The following SEPTIN14 variants were observed in gnomAD, a reference collection of about 807,000 sequenced individuals.
SEPTIN14 encodes septin-14.
SEPTIN14 carries 40 observed loss-of-function variants against 53.6 expected under a neutral mutation model. The observed-to-expected ratio is 0.75, with a 90% CI of 0.58 to 0.97. The LOEUF (loss-of-function observed/expected upper bound fraction) is 0.97. Ranked by LOEUF, SEPTIN14 falls within the 50% of genes least tolerant of loss-of-function variation. The pLI is 0.00. For missense variants in SEPTIN14, 471 were observed against 508.2 expected, an observed-to-expected ratio of 0.93 and a Z score of 0.70; for synonymous variants, 138 against 166.8, an observed-to-expected ratio of 0.83 and a Z score of 1.33.
In SEPTIN14 at chr7:55,836,465, G is replaced by C. The variant is rs368052465; in HGVS notation, c.559-1879C>G. 3.9e-4 allele frequency among the ~76,000 whole-genome samples: 59 copies of C among 152,252 alleles called. No homozygotes were observed. In the East Asian group the frequency reaches 0.01, roughly 27 times the overall value. ...TAAAAAATCCATGGACAGACCGGGC[G>C]CAGTGGCTCACGCCTGTAATCCCAG... On this transcript the variant is annotated intron_variant, in intron 5 of 9. Coordinates refer to ENST00000388975, the MANE Select transcript of SEPTIN14 (RefSeq NM_207366.3).
intron 9 of SEPTIN14, among the ~76,000 whole-genome samples, chr7:55,800,408 G>A (rs1270809165): frequency 6.6e-6 from 1 of 152,212 alleles, no homozygotes; most frequent in Non-Finnish European, 1.5e-5. Flanking sequence ...TGGATCACCT[G>A]AGGTCAGGAG....
chr7:55,818,297 C>A (rs1342635837), intron 7 of SEPTIN14, among the ~76,000 whole-genome samples: 1 of 151,772 alleles, frequency 6.6e-6, no homozygotes, highest in East Asian at 1.9e-4. Context: ...TATGGTGAAA[C>A]CCCATCTCTA....
intron 3 of SEPTIN14, 35 bp downstream of exon 3, chr7:55,846,482 G>T (rs1294869720): frequency 8.0e-6 from 12 of 1,494,086 alleles, no homozygotes; most frequent in Non-Finnish European, 1.1e-5. Flanking sequence ...TGGGAAAAAT[G>T]AAGGAATAAT....
At chr7:55,810,600 T>G (rs1234937176) in intron 7 of SEPTIN14, among the ~76,000 whole-genome samples, 1 of 150,234 alleles carries the variant, frequency 6.7e-6, no homozygotes, top group Non-Finnish European at 1.5e-5. Flanking sequence ...TCAGCCTCCC[T>G]CCCGAGTAGC....
chr7:55,853,618 C>T (rs1306266177), intron 2 of SEPTIN14, among the ~76,000 whole-genome samples: 1 of 152,126 alleles, frequency 6.6e-6, no homozygotes, highest in African/African-American at 2.4e-5. Context: ...GGTAGCACAA[C>T]AGGGCGACTA....
chr7:55,836,442 A>G (rs1477313076), intron 5 of SEPTIN14, among the ~76,000 whole-genome samples: 1 of 152,134 alleles, frequency 6.6e-6, no homozygotes, highest in Admixed American at 6.6e-5. Flanking sequence ...ACGTTTTTTA[A>G]AAAATCCATG....
Position 55,827,402 on chromosome 7 carries a change from C to T in SEPTIN14, c.720+7023G>A, listed in dbSNP as rs181731664. 1.1e-4 allele frequency among the ~76,000 whole-genome samples: 17 copies of T among 152,244 alleles called. No homozygotes were observed. The East Asian group carries it at 3.1e-3, about 28-fold the overall frequency. On this transcript the variant is annotated intron_variant, in intron 6 of 9. Coordinates refer to ENST00000388975, the MANE Select transcript of SEPTIN14 (RefSeq NM_207366.3). ...AGGCATTTTCAATGGCTCTTGGCTA[C>T]GTTATGACCTAGAGATAGATGACTG...
At position 55,844,604 on chromosome 7, in the gene SEPTIN14, T is replaced by A. The variant is rs1050857704; in HGVS notation, c.290A>T (p.Glu97Val). The change falls in exon 4 of 10, where the codon GAA becomes GTA. Residue 97 changes from glutamate to valine, a missense_variant. Physicochemically the swap from Glu to Val is moderately radical, Grantham distance 121. Transcript: ENST00000388975. ...SNVGLQIQTY[E>V]LQESNVQLKL... is the part of the protein sequence containing the mutation. ...CAACTGAACATTGCTTTCCTGAAGT[T>A]CATATGTCTGAATTTGAAGTCCAAC... 6.2e-7 allele frequency: 1 copy of A among 1,610,786 alleles called. No homozygotes were observed.
At chr7:55,833,280 A>C (rs1032453299) in intron 6 of SEPTIN14, among the ~76,000 whole-genome samples, 2 of 151,876 alleles carry the variant, frequency 1.3e-5, no homozygotes. Context: ...GCGCCACTGC[A>C]CTCCAGCCTG....
chr7:55,838,059 C>G (rs577722611), intron 5 of SEPTIN14, among the ~76,000 whole-genome samples: 8 of 152,140 alleles, frequency 5.3e-5, no homozygotes, highest in Non-Finnish European at 1.0e-4. Context: ...AAACATTCAA[C>G]GGACTGATTT....
chr7:55,797,274 G>A (rs544768497), intron 9 of SEPTIN14, among the ~76,000 whole-genome samples: 25 of 152,238 alleles, frequency 1.6e-4, no homozygotes, highest in African/African-American at 6.0e-4. Flanking sequence ...TCTAAATCAT[G>A]GGAAAGATTT....
intron 6 of SEPTIN14, among the ~76,000 whole-genome samples, chr7:55,834,170 G>T (rs1789161997): frequency 6.6e-6 from 1 of 152,124 alleles, no homozygotes; most frequent in Non-Finnish European, 1.5e-5. Context: ...GAAAAAAGAG[G>T]TAACACCTTC....
At chr7:55,846,407 C>T in intron 3 of SEPTIN14, 110 bp downstream of exon 3, 1 of 743,814 alleles carries the variant, frequency 1.3e-6, no homozygotes, top group Non-Finnish European at 2.1e-6. Flanking sequence ...TCACTGTAAA[C>T]ATGAAGATAT....
chr7:55,838,739 G>A (rs1453220267), intron 5 of SEPTIN14, among the ~76,000 whole-genome samples: 1 of 151,834 alleles, frequency 6.6e-6, no homozygotes, highest in African/African-American at 2.4e-5. Flanking sequence ...TGTAGAGATG[G>A]GGTCTCACTA....
intron 5 of SEPTIN14, among the ~76,000 whole-genome samples, chr7:55,836,153 A>G (rs1789201717): frequency 1.3e-5 from 2 of 152,166 alleles, no homozygotes; most frequent in Admixed American, 6.5e-5. Context: ...AAAAAGACAT[A>G]ATTTCCACAT....
At chr7:55,803,449 T>C (rs1222034902) in intron 9 of SEPTIN14, among the ~76,000 whole-genome samples, 1 of 152,176 alleles carries the variant, frequency 6.6e-6, no homozygotes, top group Non-Finnish European at 1.5e-5. Context: ...ATAAGAATAA[T>C]TTTATAAAAC....
rs1789366540 is a variant in SEPTIN14, at chr7:55,844,511, G to GA, written c.371+11dup. 1 of 1,416,852 alleles carries GA rather than the reference G, an allele frequency of 7.1e-7. No homozygotes were observed. Among genetic ancestry groups the GA allele is most frequent in the Non-Finnish European group, 9.4e-7 (1 of 1,062,100 alleles). 87.8% of individuals were successfully genotyped at this position (1,416,852 alleles called of 1,614,324 possible). A position where few individuals can be genotyped will look rare whatever the true frequency, so the allele number is the denominator to read the frequency against. On this transcript the variant is annotated intron_variant, in intron 4 of 9. Transcript: ENST00000388975. ...AGAAAACCTTTTTTAATTTAAATAA[G>GA]AAAACACTCACCTGGCTTCTTTGTC...
intron 2 of SEPTIN14, among the ~76,000 whole-genome samples, chr7:55,856,747 A>T (rs114186249): frequency 4.3e-4 from 66 of 152,224 alleles, no homozygotes; most frequent in Middle Eastern, 3.4e-3. Context: ...GGTTGATTCC[A>T]TGTCTCAGCT....
At chr7:55,807,027 AC>A (rs2115965485) in intron 8 of SEPTIN14, 62 bp downstream of exon 8, 2 of 1,177,648 alleles carry the variant, frequency 1.7e-6, no homozygotes, top group Admixed American at 5.3e-5. Context: ...AAATTATCAT[AC>A]CTTGTGTTTG....
Sources: allele counts gnomAD v4.1 joint callset (sites outside exome capture counted in the v4.1 genomes callset), GRCh38; gene constraint gnomAD v4.1.1; transcripts MANE v1.5; gene names NCBI Gene and HGNC (gene_info 2026-07-23, HGNC 2026-07-21).